Variants in ADAP1 observed in about 807,000 individuals in gnomAD.
The protein encoded by ADAP1 is arf-GAP with dual PH domain-containing protein 1.
In ADAP1, 31 loss-of-function variants were observed where a neutral mutation model predicts 54.9. That is an observed-to-expected ratio of 0.56 (90% CI 0.42 to 0.76). The LOEUF (loss-of-function observed/expected upper bound fraction) is 0.76. ADAP1 is among the 30% of genes least tolerant of loss of function. The pLI, the probability that ADAP1 is intolerant of heterozygous loss-of-function variation, is 0.00. For synonymous variants in ADAP1, 313 were observed against 202.6 expected, an observed-to-expected ratio of 1.55 and a Z score of -4.63; for missense variants, 535 against 512.4, an observed-to-expected ratio of 1.04 and a Z score of -0.42.
chr7:900,358 C>CTGAA (rs1207061486), intron 7 of ADAP1, among the ~76,000 whole-genome samples, 175 bp downstream of exon 7: 4 of 152,222 alleles, frequency 2.6e-5, no homozygotes, highest in African/African-American at 7.2e-5. Context: ...TTTGGCTGAG[C>CTGAA]TGAAGTTCTA....
chr7:909,997 C>T (rs1468863004), intron 4 of ADAP1, among the ~76,000 whole-genome samples: 2 of 152,232 alleles, frequency 1.3e-5, no homozygotes, highest in Non-Finnish European at 2.9e-5. Context: ...CTTCTGCCCA[C>T]CGCACGGCTA....
At chr7:906,724 G>GAAA (rs1845439201) in intron 4 of ADAP1, among the ~76,000 whole-genome samples, 3 of 30,352 alleles carry the variant, frequency 9.9e-5, no homozygotes, top group Admixed American at 2.8e-4. Context: ...CATCGGGGAC[G>GAAA]GGACATGGGG....
rs1352087382 is a variant in ADAP1 at position 905,299 on chromosome 7, AGGGGGAGACGGACG to A, written c.389-141_389-128del. On this transcript the variant is annotated intron_variant, in intron 4 of 10. Transcript: ENST00000265846. The stretch of plus-strand genomic sequence containing the variant: ...GGGGACACGGACGGGGGACACGGAC[AGGGGGAGACGGACG>A]GGGAGAGGGGACATGGAGGAGACAG... 6.9e-5 allele frequency: 12 copies of A among 172,694 alleles called. No homozygotes were observed. The East Asian group carries it at 7.4e-4, about 11-fold the overall frequency. 10.7% of individuals were successfully genotyped at this position (172,694 alleles called of 1,614,324 possible). A position where few individuals can be genotyped will look rare whatever the true frequency, so the allele number is the denominator to read the frequency against.
In ADAP1 at chr7:946,971, C is replaced by G. The variant is rs777115243; in HGVS notation, c.82+7425G>C. 1.3e-5 allele frequency among the ~76,000 whole-genome samples: 2 copies of G among 152,144 alleles called. No individual in the cohort carries two copies. The highest frequency in any genetic ancestry group is 2.9e-5 in the Non-Finnish European group (2 of 68,016). On this transcript the variant is annotated intron_variant, in intron 1 of 10. Coordinates refer to ENST00000265846, the MANE Select transcript of ADAP1 (RefSeq NM_006869.4). This position sits in a 1 kb window ranked among gnomAD's most constrained non-coding sequence, Gnocchi z 4.3. ...ACATAGTGAGACACCGCGACTCCAT[C>G]CTTATGAAAAAATTTTCTATAAAAG...
rs536717405 is a variant in ADAP1 at position 946,221 on chromosome 7, T to G, written c.82+8175A>C. On this transcript the variant is annotated intron_variant, in intron 1 of 10. Transcript: ENST00000265846. This position sits in a 1 kb window ranked among gnomAD's most constrained non-coding sequence, Gnocchi z 4.3. ...TGTTTTCCGCATATTGTCTCCCAGT[T>G]ACCCGTGGCCCCTGCAGGGATCCAG... is the stretch of plus-strand genomic sequence containing the variant. Among the ~76,000 whole-genome samples the G allele has an allele frequency of 6.6e-6, 1 of 152,054 alleles. No individual in the cohort carries two copies. Among genetic ancestry groups the G allele is most frequent in the Non-Finnish European group, 1.5e-5 (1 of 67,992 alleles).
chr7:908,537 C>T (rs1305172613), intron 4 of ADAP1, among the ~76,000 whole-genome samples: 1 of 152,230 alleles, frequency 6.6e-6, no homozygotes, highest in African/African-American at 2.4e-5. Context: ...TGGAAGAACC[C>T]CCTTCTCCTG....
rs901695814 is a variant in ADAP1 at position 938,531 on chromosome 7, C to G, written c.83-3026G>C. 5.3e-5 allele frequency among the ~76,000 whole-genome samples: 8 copies of G among 151,972 alleles called. No homozygotes were observed. The highest frequency in any genetic ancestry group is 1.2e-4 in the Non-Finnish European group (8 of 68,032). ...CCCTGGAGAACAGGTGGGGAAGAAC[C>G]ACACTGAAGTCCCAGAAGAGAGAGA... On this transcript the variant is annotated intron_variant, in intron 1 of 10. Transcript: ENST00000265846. This position sits in a 1 kb window ranked among gnomAD's most constrained non-coding sequence, Gnocchi z 4.4.
At chr7:905,199 G>C (rs1410283131) in intron 4 of ADAP1, 27 bp from the exon 5 acceptor site, 2 of 1,584,772 alleles carry the variant, frequency 1.3e-6, no homozygotes, top group Non-Finnish European at 8.6e-7. Flanking sequence ...ACACGAGTCG[G>C]TGACAGTGGA....
chr7:906,524 A>AG (rs1562914514), intron 4 of ADAP1, among the ~76,000 whole-genome samples: 1 of 33,130 alleles, frequency 3.0e-5, no homozygotes, highest in Non-Finnish European at 6.1e-5. Flanking sequence ...GAAAGGAGAA[A>AG]GGGAAAGGAG....
In ADAP1 at chr7:904,123, C is replaced by A. The variant is rs560336903; in HGVS notation, c.648+3G>T. 9.3e-6 allele frequency: 15 copies of A among 1,612,152 alleles called. No individual in the cohort carries two copies. In the African/African-American group the frequency reaches 2.0e-4, roughly 21 times the overall value. On this transcript the variant is annotated splice_donor_region_variant and intron_variant, in intron 6 of 10. Transcript: ENST00000265846. ...CCGGGCCCGAGTGCTCGCCAGCACC[C>A]ACCTTCCCGTCCTCATGGTAGATGA... is the stretch of plus-strand genomic sequence containing the variant.
chr7:938,661 C>G lies in ADAP1; in HGVS notation c.83-3156G>C, dbSNP rs1199857297. Among the ~76,000 whole-genome samples the G allele has an allele frequency of 6.6e-6, 1 of 152,170 alleles. No homozygotes were observed. The highest frequency in any genetic ancestry group is 1.5e-5 in the Non-Finnish European group (1 of 68,030). On this transcript the variant is annotated intron_variant, in intron 1 of 10. Coordinates refer to ENST00000265846, the MANE Select transcript of ADAP1 (RefSeq NM_006869.4). This position sits in a 1 kb window ranked among gnomAD's most constrained non-coding sequence, Gnocchi z 4.4. ...GGGCGCCCAGAAGGCACGCCAGTCTCCGGGCCTCGGTCTCCTCATCTGTCG... is the reference window on the plus strand; with the variant it reads ...GGGCGCCCAGAAGGCACGCCAGTCTGCGGGCCTCGGTCTCCTCATCTGTCG...
chr7:919,568 G>A (rs534990930), intron 4 of ADAP1, among the ~76,000 whole-genome samples: 1 of 147,954 alleles, frequency 6.8e-6, no homozygotes, highest in Non-Finnish European at 1.5e-5. Context: ...GAGATAGAGA[G>A]AGGATGAGAT....
chr7:921,012 G>GC (rs1251578130), intron 3 of ADAP1: 1 of 691,950 alleles, frequency 1.4e-6, no homozygotes, highest in Middle Eastern at 2.5e-4. Flanking sequence ...TGGGTCTCTG[G>GC]CCCCTGGCCC....
intron 5 of ADAP1, among the ~76,000 whole-genome samples, chr7:904,796 C>G (rs1003360033): frequency 5.3e-5 from 8 of 152,250 alleles, no homozygotes; most frequent in African/African-American, 1.4e-4. Context: ...TAGGTTCTCC[C>G]TCTCCCACGG....
In ADAP1 at chr7:900,182, AGG is replaced by A. The variant is rs773839175; in HGVS notation, c.733-20_733-19del. The A allele has an allele frequency of 9.3e-6, 15 of 1,612,754 alleles. No individual in the cohort carries two copies. The South Asian group carries it at 1.6e-4, about 18-fold the overall frequency. On this transcript the variant is annotated intron_variant, in intron 7 of 10. Coordinates refer to ENST00000265846, the MANE Select transcript of ADAP1 (RefSeq NM_006869.4). The stretch of plus-strand genomic sequence containing the variant: ...GGCACCAGCTAGGGCAGGACACACC[AGG>A]CAGGGGACCTCAGAAGTGCAGCTCA...
At chr7:898,978 A>G in intron 10 of ADAP1, 29 bp from the exon 11 acceptor site, 1 of 1,611,408 alleles carries the variant, frequency 6.2e-7, no homozygotes. Flanking sequence ...CAGCGTTGTC[A>G]CAGCGGCGGG....
chr7:910,342 C>G (rs1353512552), intron 4 of ADAP1, among the ~76,000 whole-genome samples: 1 of 152,052 alleles, frequency 6.6e-6, no homozygotes, highest in Non-Finnish European at 1.5e-5. Flanking sequence ...CTTGACCTTC[C>G]GGGCTCAAGT....
At chr7:954,051 T>G (rs997846150) in intron 1 of ADAP1, among the ~76,000 whole-genome samples, 18 of 152,036 alleles carry the variant, frequency 1.2e-4, no homozygotes, top group Non-Finnish European at 2.5e-4. Context: ...CAGCCCCGAT[T>G]TCCTCTTTCT....
intron 1 of ADAP1, among the ~76,000 whole-genome samples, chr7:935,816 G>T (rs1334263180): frequency 6.6e-6 from 1 of 152,158 alleles, no homozygotes; most frequent in Non-Finnish European, 1.5e-5. Flanking sequence ...CCCATGCCCC[G>T]GGCTGGAGGG....
Sources: gnomAD v4.1 joint callset for allele counts (sites outside exome capture counted in the v4.1 genomes callset) on GRCh38, gnomAD v4.1.1 for gene constraint, Gnocchi (gnomAD v3.1) non-coding constraint, MANE v1.5 for transcripts, NCBI Gene and HGNC (gene_info 2026-07-23, HGNC 2026-07-21) for gene names.